Variants in CMTM4 observed in about 807,000 individuals in gnomAD.
CMTM4 encodes the protein CKLF like MARVEL transmembrane domain containing 4.
Under a neutral mutation model 19.0 loss-of-function variants are expected in CMTM4, and 8 were observed. The observed-to-expected ratio is 0.42, with a 90% CI of 0.25 to 0.76. The LOEUF is 0.76. CMTM4 is among the 30% of genes least tolerant of loss of function. CMTM4 has a pLI of 0.27. For synonymous variants in CMTM4, 106 were observed against 121.1 expected, an observed-to-expected ratio of 0.88 and a Z score of 0.82; for missense variants, 228 against 290.2, an observed-to-expected ratio of 0.79 and a Z score of 1.56.
chr16:66,673,600 A>G (rs1181101919), intron 1 of CMTM4, among the ~76,000 whole-genome samples: 1 of 152,208 alleles, frequency 6.6e-6, no homozygotes, highest in East Asian at 1.9e-4. Context: ...TAACAGTGAA[A>G]TGTGGTTTGT....
chr16:66,691,968 T>C (rs2017143768), intron 1 of CMTM4, among the ~76,000 whole-genome samples: 1 of 152,218 alleles, frequency 6.6e-6, no homozygotes, highest in Admixed American at 6.5e-5. Flanking sequence ...GGTACTAACT[T>C]ACACATATTA....
chr16:66,691,838 T>C (rs1713267759), intron 1 of CMTM4, among the ~76,000 whole-genome samples: 1 of 152,272 alleles, frequency 6.6e-6, no homozygotes, highest in South Asian at 2.1e-4. Flanking sequence ...AAACTATCTT[T>C]AATTCAAACA....
Position 66,696,466 on chromosome 16 carries a change from G to C in CMTM4, c.60C>G (p.Ile20Met). 1 of 1,310,172 alleles carries C rather than the reference G, an allele frequency of 7.6e-7. No homozygotes were observed. The highest frequency in any genetic ancestry group is 9.7e-7 in the Non-Finnish European group (1 of 1,027,568). The allele number at this position is 1,310,172 out of a possible 1,614,324, so 81.2% of individuals were successfully genotyped here. ...GCTGGTACGGGCTGCTGGCGCCCGA[G>C]ATCATGGAGGTGCTCGAGGCCTCGC... is the stretch of plus-strand genomic sequence containing the variant. ...FEGEASSTSM[I>M]SGASSPYQPT... Residue 20 changes from isoleucine (I) to methionine (M), a missense_variant, in exon 1 of 4, where the codon ATC becomes ATG. By Grantham distance (10) the Ile-to-Met change is conservative. Around this residue, in one of 3 missense-constraint regions of CMTM4, gnomAD observed 21 missense variants for 43.1 expected, o/e 0.49. Coordinates refer to ENST00000394106, the MANE Select transcript of CMTM4 (RefSeq NM_181521.3). This position sits in a 1 kb window ranked among gnomAD's most constrained non-coding sequence, Gnocchi z 4.3.
At chr16:66,646,932 C>A (rs948216694) in intron 1 of CMTM4, among the ~76,000 whole-genome samples, 12 of 151,944 alleles carry the variant, frequency 7.9e-5, no homozygotes, top group Non-Finnish European at 1.0e-4. Context: ...GTCTCGAACT[C>A]CTGACCTCAG....
chr16:66,625,229 G>A (rs2144786672), intron 2 of CMTM4, among the ~76,000 whole-genome samples: 1 of 152,246 alleles, frequency 6.6e-6, no homozygotes, highest in South Asian at 2.1e-4. Flanking sequence ...GAGGTTGGGA[G>A]TTCGAGACCA....
At position 66,696,295 on chromosome 16, in the gene CMTM4, C is replaced by A. The variant is rs1443385686; in HGVS notation, c.186+45G>T. 3.2e-6 allele frequency: 4 copies of A among 1,257,050 alleles called. No homozygotes were observed. The highest frequency in any genetic ancestry group is 3.4e-5 in the East Asian group (1 of 29,782). 77.9% of individuals were successfully genotyped at this position (1,257,050 alleles called of 1,614,324 possible). A position where few individuals can be genotyped will look rare whatever the true frequency, so the allele number is the denominator to read the frequency against. ...GCAGCGGGGCGGGGAGGGAGGCGTG[C>A]GGCTAGGCCGCCCTCGGGCACCTGG... On this transcript the variant is annotated intron_variant, in intron 1 of 3. Coordinates refer to ENST00000394106, the MANE Select transcript of CMTM4 (RefSeq NM_181521.3). This position sits in a 1 kb window ranked among gnomAD's most constrained non-coding sequence, Gnocchi z 4.3.
At chr16:66,661,546 G>A (rs547950517) in intron 1 of CMTM4, among the ~76,000 whole-genome samples, 1 of 152,290 alleles carries the variant, frequency 6.6e-6, no homozygotes, top group Admixed American at 6.5e-5. Context: ...TGAAAAGATA[G>A]TAACATTAAG....
intron 1 of CMTM4, among the ~76,000 whole-genome samples, chr16:66,683,729 T>C (rs1377650811): frequency 1.3e-5 from 2 of 151,672 alleles, no homozygotes; most frequent in Non-Finnish European, 2.9e-5. Context: ...GGATGGTCAA[T>C]GCTCTGGAGG....
chr16:66,655,606 G>A (rs987651024), intron 1 of CMTM4, among the ~76,000 whole-genome samples: 4 of 149,916 alleles, frequency 2.7e-5, no homozygotes, highest in African/African-American at 7.3e-5. Flanking sequence ...ACATATATAC[G>A]AGATATAAGA....
Position 66,639,955 on chromosome 16 carries a change from T to C in CMTM4, c.187-3374A>G, listed in dbSNP as rs552681948. 8.5e-5 allele frequency among the ~76,000 whole-genome samples: 13 copies of C among 152,260 alleles called. No individual in the cohort carries two copies. The South Asian group carries it at 2.5e-3, about 29-fold the overall frequency. On this transcript the variant is annotated intron_variant, in intron 1 of 3. Transcript: ENST00000394106. Reference sequence around the variant, plus strand: ...ATCCCTTGAACCTGGGAGGCGGAAGTTGCAGTGAGTGGAGACTGTGCCACT... The same window carrying C: ...ATCCCTTGAACCTGGGAGGCGGAAGCTGCAGTGAGTGGAGACTGTGCCACT...
chr16:66,672,650 G>A (rs977112642), intron 1 of CMTM4, among the ~76,000 whole-genome samples: 3 of 151,318 alleles, frequency 2.0e-5, no homozygotes, highest in African/African-American at 7.3e-5. Context: ...TTTTTGAGAT[G>A]GAGTCTCTGA....
At chr16:66,648,548 C>T (rs917193093) in intron 1 of CMTM4, among the ~76,000 whole-genome samples, 2 of 151,320 alleles carry the variant, frequency 1.3e-5, no homozygotes, top group Non-Finnish European at 2.9e-5. Flanking sequence ...ATCTCAGCTA[C>T]TCAGGAGGCT....
At chr16:66,599,748 C>CT in the CMTM4 span, among the ~76,000 whole-genome samples, 1 of 152,110 alleles carries the variant, frequency 6.6e-6, no homozygotes, top group African/African-American at 2.4e-5. Flanking sequence ...TCAGTGTGGT[C>CT]TTTTTTCCAG....
the CMTM4 span, among the ~76,000 whole-genome samples, chr16:66,600,156 T>TTTTTTTTTTTTC: frequency 6.7e-6 from 1 of 149,090 alleles, no homozygotes; most frequent in African/African-American, 2.5e-5. Context: ...GTTTTTTTTT[T>TTTTTTTTTTTTC]TTTTGAGATG....
At chr16:66,625,554 G>A (rs930392843) in intron 2 of CMTM4, among the ~76,000 whole-genome samples, 1 of 152,066 alleles carries the variant, frequency 6.6e-6, no homozygotes, top group African/African-American at 2.4e-5. Flanking sequence ...TGAAGAATGA[G>A]ATGATGAATG....
At chr16:66,643,507 G>A (rs1206291152) in intron 1 of CMTM4, among the ~76,000 whole-genome samples, 1 of 152,142 alleles carries the variant, frequency 6.6e-6, no homozygotes, top group African/African-American at 2.4e-5. Flanking sequence ...GCTTGTCTGT[G>A]GGAAATTCTT....
At position 66,688,101 on chromosome 16, in the gene CMTM4, G is replaced by A. The variant is rs116998508; in HGVS notation, c.186+8239C>T. 9.5e-4 allele frequency among the ~76,000 whole-genome samples: 145 copies of A among 152,158 alleles called. 1 individual carries two copies. The highest frequency in any genetic ancestry group is 1.8e-3 in the Non-Finnish European group (120 of 68,014). On this transcript the variant is annotated intron_variant, in intron 1 of 3. Transcript: ENST00000394106. ...GAGTGAGGGCCCATTCTTCACAGAC[G>A]GCACTTTCTATGTGTCCTCACATGG...
Position 66,622,840 on chromosome 16 carries a change from G to C in CMTM4, c.462+564C>G, listed in dbSNP as rs1274985415. On this transcript the variant is annotated intron_variant, in intron 3 of 3. Transcript: ENST00000394106. This position sits in a 1 kb window ranked among gnomAD's most constrained non-coding sequence, Gnocchi z 4.0. ...CAAATCGCCTGAGTGGCACCTGGGAGAGCAGTTCGTTTAATCATTTATAAA... is the reference window on the plus strand; with the variant it reads ...CAAATCGCCTGAGTGGCACCTGGGACAGCAGTTCGTTTAATCATTTATAAA... Among the ~76,000 whole-genome samples, 1 of 152,196 alleles carries C rather than the reference G, an allele frequency of 6.6e-6. No individual in the cohort carries two copies. The highest frequency in any genetic ancestry group is 1.5e-5 in the Non-Finnish European group (1 of 68,050).
downstream of CMTM4, chr16:66,612,705 T>G: frequency 6.6e-7 from 1 of 1,513,986 alleles, no homozygotes; most frequent in Non-Finnish European, 9.2e-7. The surrounding 1 kb of genome is among the most constrained non-coding windows in gnomAD (Gnocchi z 6.0). Flanking sequence ...CAGGGGTCGC[T>G]GGCGTTGGAG....
Sources: gnomAD v4.1 joint callset for allele counts (sites outside exome capture counted in the v4.1 genomes callset) on GRCh38, gnomAD v4.1.1 for gene constraint, gnomAD v4.1.1 regional missense constraint, Gnocchi (gnomAD v3.1) non-coding constraint, MANE v1.5 for transcripts, NCBI Gene and HGNC (gene_info 2026-07-23, HGNC 2026-07-21) for gene names.